The following LARGE1 variants were observed in gnomAD, a reference collection of about 807,000 sequenced individuals.
LARGE1 encodes xylosyl- and glucuronyltransferase LARGE1.
Under a neutral mutation model 87.6 loss-of-function variants are expected in LARGE1, and 43 were observed. The ratio of observed to expected loss-of-function variants is 0.49; its 90% CI spans 0.38 to 0.63. The LOEUF (loss-of-function observed/expected upper bound fraction) is 0.63. Among genes scored for constraint, LARGE1 ranks in the 30% least tolerant of loss-of-function variants. The pLI is 0.00. For synonymous variants in LARGE1, 434 were observed against 394.6 expected, an observed-to-expected ratio of 1.10 and a Z score of -1.18; for missense variants, 802 against 1,000.2, an observed-to-expected ratio of 0.80 and a Z score of 2.67.
chr22:33,234,666 T>A (rs546136876), intron 11 of LARGE1, among the ~76,000 whole-genome samples: 60 of 152,130 alleles, frequency 3.9e-4, no homozygotes, highest in African/African-American at 1.4e-3. Flanking sequence ...CTCAGCCTCC[T>A]GAGTAGCTGG....
At chr22:33,334,682 T>A (rs1352048777) in intron 10 of LARGE1, among the ~76,000 whole-genome samples, 1 of 152,086 alleles carries the variant, frequency 6.6e-6, no homozygotes, top group Non-Finnish European at 1.5e-5. Context: ...GGAGAGAGAC[T>A]GGGATGACAG....
chr22:33,454,095 G>A (rs928298373), intron 6 of LARGE1, among the ~76,000 whole-genome samples: 1 of 152,136 alleles, frequency 6.6e-6, no homozygotes, highest in Non-Finnish European at 1.5e-5. Flanking sequence ...AGGTCTCTGA[G>A]TTGTGTATGC....
chr22:33,621,617 T>C (rs1202856017), intron 4 of LARGE1, among the ~76,000 whole-genome samples: 1 of 152,242 alleles, frequency 6.6e-6, no homozygotes, highest in Non-Finnish European at 1.5e-5. Flanking sequence ...ATGTATTTTA[T>C]AACCATGTAT....
chr22:33,806,263 A>C (rs961577563), intron 1 of LARGE1, among the ~76,000 whole-genome samples: 1 of 152,210 alleles, frequency 6.6e-6, no homozygotes, highest in Non-Finnish European at 1.5e-5. Flanking sequence ...ACAGTTTTGC[A>C]AGCTTCATGT....
intron 6 of LARGE1, among the ~76,000 whole-genome samples, chr22:33,536,975 C>G (rs2077061275): frequency 6.6e-6 from 1 of 152,190 alleles, no homozygotes; most frequent in Non-Finnish European, 1.5e-5. Context: ...CCACGCCTGG[C>G]TAATTTTGTA....
Position 33,916,072 on chromosome 22 carries a change from G to A in LARGE1, c.-83+3923C>T, listed in dbSNP as rs1014558170. Among the ~76,000 whole-genome samples, 10 of 152,116 alleles carry A rather than the reference G, an allele frequency of 6.6e-5. 1 individual carries two copies. Among genetic ancestry groups the A allele is most frequent in the Admixed American group, 6.5e-4 (10 of 15,268 alleles). On this transcript the variant is annotated intron_variant, in intron 1 of 14. Coordinates refer to ENST00000397394, the MANE Select transcript of LARGE1 (RefSeq NM_133642.5). The stretch of plus-strand genomic sequence containing the variant: ...CCGAGACAGGTGGATCACAAGGTCA[G>A]GAGTTCTAGACCAGCCTGGCGAAGA...
chr22:33,282,649 T>C (rs1334281035), intron 13 of LARGE1, among the ~76,000 whole-genome samples: 1 of 152,174 alleles, frequency 6.6e-6, no homozygotes, highest in Non-Finnish European at 1.5e-5. Flanking sequence ...CGACTGTCAC[T>C]TGGGCAACAG....
At chr22:33,882,035 G>GTTTTTTT (rs56757133) in intron 1 of LARGE1, among the ~76,000 whole-genome samples, 9 of 144,266 alleles carry the variant, frequency 6.2e-5, no homozygotes, top group African/African-American at 2.4e-4. Context: ...TTTTGTTTTT[G>GTTTTTTT]TTTTTTTTTG....
At chr22:33,195,541 C>A (rs1233413628) in intron 11 of LARGE1, among the ~76,000 whole-genome samples, 3 of 151,710 alleles carry the variant, frequency 2.0e-5, no homozygotes, top group African/African-American at 7.3e-5. Context: ...AAGAAAACCA[C>A]AAATATTTGA....
chr22:33,439,242 T>A (rs987974430), intron 6 of LARGE1, among the ~76,000 whole-genome samples: 1 of 151,098 alleles, frequency 6.6e-6, no homozygotes, highest in Non-Finnish European at 1.5e-5. Flanking sequence ...ATGACAGATG[T>A]AAAGTGCTGG....
At chr22:33,629,363 A>G (rs533861948) in intron 3 of LARGE1, among the ~76,000 whole-genome samples, 2 of 152,158 alleles carry the variant, frequency 1.3e-5, no homozygotes, top group Non-Finnish European at 2.9e-5. Flanking sequence ...GGGTTCAGAG[A>G]CTTTTTAAAA....
At chr22:33,246,918 A>G (rs1052638748) in intron 11 of LARGE1, among the ~76,000 whole-genome samples, 6 of 152,248 alleles carry the variant, frequency 3.9e-5, no homozygotes, top group Non-Finnish European at 5.9e-5. Flanking sequence ...CTATGCCAAC[A>G]GTACACATAA....
At chr22:33,244,828 G>A (rs756375170) in intron 11 of LARGE1, among the ~76,000 whole-genome samples, 2 of 152,136 alleles carry the variant, frequency 1.3e-5, no homozygotes, top group Admixed American at 1.3e-4. Context: ...TGGAGTGTAC[G>A]TAAGGAGGGG....
At position 33,316,212 on chromosome 22, in the gene LARGE1, G is replaced by A; in HGVS notation, c.1324C>T (p.Leu442=). The change falls in exon 11 of 15, where the codon CTG becomes TTG. Residue 442 remains leucine (L), a synonymous_variant. Transcript: ENST00000397394. The part of the protein sequence containing the change: ...KQLSELDEDD[L]CYEFRRERFT... ...CGCTCTCGCCGGAACTCATAGCACAGGTCGTCCTCGTCCAGCTCAGACAGC... is the reference window on the plus strand; with the variant it reads ...CGCTCTCGCCGGAACTCATAGCACAAGTCGTCCTCGTCCAGCTCAGACAGC... 1 of 1,614,036 alleles carries A rather than the reference G, an allele frequency of 6.2e-7. No individual in the cohort carries two copies. The highest frequency in any genetic ancestry group is 8.5e-7 in the Non-Finnish European group (1 of 1,179,984).
At chr22:33,825,404 G>C (rs887722418) in intron 1 of LARGE1, among the ~76,000 whole-genome samples, 1 of 134,498 alleles carries the variant, frequency 7.4e-6, no homozygotes, top group Non-Finnish European at 1.6e-5. Flanking sequence ...AGACATACCC[G>C]AGACTGGGTA....
At chr22:33,361,617 G>C (rs2064388602) in intron 9 of LARGE1, among the ~76,000 whole-genome samples, 1 of 148,254 alleles carries the variant, frequency 6.7e-6, no homozygotes, top group African/African-American at 2.5e-5. Context: ...GGGGAAGGAA[G>C]AGAGTTCAGG....
intron 4 of LARGE1, among the ~76,000 whole-genome samples, chr22:33,606,147 T>C (rs2079253218): frequency 6.6e-6 from 1 of 152,170 alleles, no homozygotes; most frequent in Non-Finnish European, 1.5e-5. Flanking sequence ...GGCTCACGCC[T>C]GTAATCCCAG....
chr22:33,122,242 T>A, the LARGE1 span, among the ~76,000 whole-genome samples: 1 of 152,120 alleles, frequency 6.6e-6, no homozygotes, highest in Admixed American at 6.6e-5. Flanking sequence ...GGAATTGATC[T>A]GGAACTGCCT....
intron 1 of LARGE1, among the ~76,000 whole-genome samples, chr22:33,840,094 G>A (rs1418953700): frequency 2.6e-5 from 4 of 152,234 alleles, no homozygotes; most frequent in Non-Finnish European, 5.9e-5. Flanking sequence ...AACCAACACA[G>A]GAAAATGAAT....
Sources: allele counts gnomAD v4.1 joint callset (sites outside exome capture counted in the v4.1 genomes callset), GRCh38; gene constraint gnomAD v4.1.1; transcripts MANE v1.5; gene names NCBI Gene and HGNC (gene_info 2026-07-23, HGNC 2026-07-21).